The following EPHA6 variants were observed in gnomAD, a reference collection of about 807,000 sequenced individuals.
EPHA6 encodes EPH receptor A6.
A neutral mutation model predicts 112.0 loss-of-function variants in EPHA6; 50 were observed. The observed-to-expected ratio is 0.45, with a 90% confidence interval of 0.36 to 0.56. The LOEUF is 0.56. Among genes scored for constraint, EPHA6 ranks in the 20% least tolerant of loss-of-function variants. The probability of loss-of-function intolerance (pLI) is 0.00; values close to 1 mark genes in which losing one functional copy is unlikely to be tolerated. For synonymous variants in EPHA6, 529 were observed against 490.7 expected, an observed-to-expected ratio of 1.08 and a Z score of -1.03; for missense variants, 1,280 against 1,417.4, an observed-to-expected ratio of 0.90 and a Z score of 1.56.
intron 12 of EPHA6, among the ~76,000 whole-genome samples, chr3:97,609,443 G>T (rs1383807957): frequency 1.3e-5 from 2 of 151,260 alleles, no homozygotes; most frequent in East Asian, 3.9e-4. Flanking sequence ...CAGTTCAGTT[G>T]ACCTCAATAA....
chr3:97,553,883 C>A (rs1189706108), intron 11 of EPHA6, among the ~76,000 whole-genome samples: 1 of 152,076 alleles, frequency 6.6e-6, no homozygotes, highest in Non-Finnish European at 1.5e-5. Flanking sequence ...TCATAAAAAT[C>A]TCTAGAAACA....
chr3:97,266,914 A>G (rs1356813853), intron 5 of EPHA6, among the ~76,000 whole-genome samples: 2 of 152,116 alleles, frequency 1.3e-5, no homozygotes, highest in African/African-American at 4.8e-5. Context: ...ATTTATGTAT[A>G]AGGTATGTTT....
intron 10 of EPHA6, among the ~76,000 whole-genome samples, chr3:97,524,341 A>G (rs2092588872): frequency 6.6e-6 from 1 of 152,092 alleles, no homozygotes; most frequent in African/African-American, 2.4e-5. Context: ...TACCTTAACT[A>G]CAATTGCATA....
chr3:97,235,940 T>G (rs773689794), intron 4 of EPHA6, among the ~76,000 whole-genome samples: 5 of 152,086 alleles, frequency 3.3e-5, no homozygotes, highest in Non-Finnish European at 7.4e-5. Context: ...TCTTTTGCAT[T>G]AACTGAAAAA....
intron 15 of EPHA6, among the ~76,000 whole-genome samples, chr3:97,723,962 C>T (rs967079571): frequency 4.6e-5 from 7 of 152,114 alleles, no homozygotes; most frequent in South Asian, 4.1e-4. Context: ...CCCTATCTGT[C>T]CTGCATTTCT....
intron 3 of EPHA6, among the ~76,000 whole-genome samples, chr3:97,098,624 T>C (rs1411818872): frequency 6.6e-6 from 1 of 151,908 alleles, no homozygotes; most frequent in African/African-American, 2.4e-5. Flanking sequence ...GATGAAAAAG[T>C]AGTTGAACCT....
chr3:97,710,220 C>T (rs1038024230), intron 14 of EPHA6, among the ~76,000 whole-genome samples: 2 of 152,162 alleles, frequency 1.3e-5, no homozygotes, highest in African/African-American at 2.4e-5. Context: ...GCCCTCTTTC[C>T]TATTGAGTGT....
intron 3 of EPHA6, among the ~76,000 whole-genome samples, chr3:97,216,990 G>A (rs900807763): frequency 6.6e-6 from 1 of 151,928 alleles, no homozygotes. Context: ...TAAAATATGT[G>A]GAAAAAAACA....
intron 1 of EPHA6, among the ~76,000 whole-genome samples, chr3:96,841,687 A>G (rs1253980423): frequency 6.6e-6 from 1 of 151,600 alleles, no homozygotes; most frequent in Admixed American, 6.6e-5. Flanking sequence ...TGAGAGAGAA[A>G]TCAAGATCTA....
Position 96,923,239 on chromosome 3 carries a change from T to C in EPHA6, c.450+56350T>C, listed in dbSNP as rs147303641. Among the ~76,000 whole-genome samples the C allele has an allele frequency of 2.9e-3, 448 of 152,336 alleles. 4 individuals carry two copies. The highest frequency in any genetic ancestry group is 9.9e-3 in the African/African-American group (410 of 41,582). On this transcript the variant is annotated intron_variant, in intron 2 of 17. Coordinates refer to ENST00000389672, the MANE Select transcript of EPHA6 (RefSeq NM_001080448.3). Reference sequence around the variant, plus strand: ...ACACTGTCTTCCACAATGGTTGAACTAATTTACACTCCCACCAACAATGAA... The same window carrying C: ...ACACTGTCTTCCACAATGGTTGAACCAATTTACACTCCCACCAACAATGAA...
At chr3:97,099,914 T>A (rs571082653) in intron 3 of EPHA6, among the ~76,000 whole-genome samples, 3 of 152,146 alleles carry the variant, frequency 2.0e-5, no homozygotes, top group Admixed American at 6.6e-5. Flanking sequence ...GTTTTTGTTA[T>A]TGCTGTTAGT....
intron 6 of EPHA6, among the ~76,000 whole-genome samples, chr3:97,433,588 C>T (rs1258007522): frequency 6.6e-6 from 1 of 152,102 alleles, no homozygotes; most frequent in Non-Finnish European, 1.5e-5. Context: ...ACTAGGCATA[C>T]TTGGAAGTTC....
chr3:97,026,027 CT>C (rs1251866847), intron 3 of EPHA6, among the ~76,000 whole-genome samples: 1 of 150,662 alleles, frequency 6.6e-6, no homozygotes, highest in African/African-American at 2.4e-5. Flanking sequence ...TGTTGCTTTT[CT>C]TGTTTTTATC....
intron 14 of EPHA6, among the ~76,000 whole-genome samples, chr3:97,713,568 G>T (rs2034076836): frequency 6.6e-6 from 1 of 152,166 alleles, no homozygotes; most frequent in African/African-American, 2.4e-5. Context: ...TTTTGCTTAG[G>T]GTAAGAGTGT....
chr3:97,428,913 T>C (rs1035072445), intron 6 of EPHA6, among the ~76,000 whole-genome samples: 1 of 152,176 alleles, frequency 6.6e-6, no homozygotes, highest in South Asian at 2.1e-4. Context: ...TACCCAATCC[T>C]CCTTCTTTAA....
intron 10 of EPHA6, among the ~76,000 whole-genome samples, chr3:97,505,847 G>A (rs1264952083): frequency 6.6e-6 from 1 of 152,152 alleles, no homozygotes; most frequent in African/African-American, 2.4e-5. Flanking sequence ...TCCAGCATCT[G>A]TTGTTTCCTG....
intron 3 of EPHA6, among the ~76,000 whole-genome samples, chr3:97,179,683 C>T (rs2076930432): frequency 6.6e-6 from 1 of 150,736 alleles, no homozygotes; most frequent in Non-Finnish European, 1.5e-5. Flanking sequence ...GGCAGAGACT[C>T]TTATTCTTTT....
intron 12 of EPHA6, among the ~76,000 whole-genome samples, chr3:97,604,782 A>G (rs189863051): frequency 9.9e-5 from 15 of 151,802 alleles, no homozygotes; most frequent in Non-Finnish European, 1.6e-4. Context: ...CTTCAAAACA[A>G]TAGTTTTGAT....
At chr3:96,923,506 T>G (rs2039880386) in intron 2 of EPHA6, among the ~76,000 whole-genome samples, 1 of 152,252 alleles carries the variant, frequency 6.6e-6, no homozygotes, top group East Asian at 1.9e-4. Flanking sequence ...TTTAGTTTCT[T>G]TAAATACCTT....
Sources: allele counts gnomAD v4.1 joint callset (sites outside exome capture counted in the v4.1 genomes callset), GRCh38; gene constraint gnomAD v4.1.1; transcripts MANE v1.5; gene names NCBI Gene and HGNC (gene_info 2026-07-23, HGNC 2026-07-21).